SSC5D: variants seen among roughly 807,000 people sequenced by gnomAD.
SSC5D encodes soluble scavenger receptor cysteine-rich domain-containing protein SSC5D.
In SSC5D, 106 loss-of-function variants were observed where a neutral mutation model predicts 104.6. That is an observed-to-expected ratio of 1.01 (90% CI 0.87 to 1.19). SSC5D has a LOEUF of 1.19. SSC5D is among the 50% of genes most tolerant of loss of function. The pLI is 0.00. For missense variants in SSC5D, 1,993 were observed against 2,153.8 expected, an observed-to-expected ratio of 0.93 and a Z score of 1.48; for synonymous variants, 860 against 883.5, an observed-to-expected ratio of 0.97 and a Z score of 0.47.
chr19:55,500,648 C>T lies in SSC5D; in HGVS notation c.2461C>T (p.Arg821Ter), dbSNP rs1428127033. The T allele has an allele frequency of 6.4e-6, 10 of 1,551,608 alleles. No homozygotes were observed. Among genetic ancestry groups the T allele is most frequent in the African/African-American group, 4.1e-5 (3 of 73,026 alleles). Residue 821 changes from arginine to a stop codon, truncating the protein, a stop_gained, in exon 11 of 14, where the codon CGA becomes TGA. Transcript: ENST00000389623. LOFTEE classifies it high-confidence loss of function. This position sits in a 1 kb window ranked among gnomAD's most constrained non-coding sequence, Gnocchi z 4.6. The part of the protein sequence containing the change: ...WELGCGKVRP[R>*]VGKTHYGPGT... ...ACTGGGCTGTGGAAAGGTCCGGCCT[C>T]GAGTAGGCAAAACCCATTACGGCCC... is the stretch of plus-strand genomic sequence containing the variant.
At position 55,488,658 on chromosome 19, in the gene SSC5D, C is replaced by T. The variant is rs115930876; in HGVS notation, c.25+44C>T. ...TTGGGGACTCGGGGGGCCTAGGCCC[C>T]CACCTCTGACCCCTTAGCTTGTCCA... On this transcript the variant is annotated intron_variant, in intron 1 of 13. Transcript: ENST00000389623. The T allele has an allele frequency of 4.8e-4, 733 of 1,516,506 alleles. 4 individuals are homozygous for T. In the African/African-American group the frequency reaches 9.2e-3, roughly 19 times the overall value. 93.9% of individuals were successfully genotyped at this position (1,516,506 alleles called of 1,614,324 possible). A position where few individuals can be genotyped will look rare whatever the true frequency, so the allele number is the denominator to read the frequency against.
At position 55,500,294 on chromosome 19, in the gene SSC5D, C is replaced by T. The variant is rs1330544511; in HGVS notation, c.2184C>T (p.Ser728=). 1.3e-6 allele frequency: 2 copies of T among 1,551,476 alleles called. No individual in the cohort carries two copies. The highest frequency in any genetic ancestry group is 3.9e-5 in the Admixed American group (2 of 50,980). The part of the protein sequence containing the change: ...TQGPQEMTSE[S]TIKSIPQASL... Reference sequence around the variant, plus strand: ...GCCCCCAAGAAATGACCTCTGAGTCCACTATCAAGAGTATCCCTCAGGCCT... The same window carrying T: ...GCCCCCAAGAAATGACCTCTGAGTCTACTATCAAGAGTATCCCTCAGGCCT... Residue 728 remains serine, a synonymous_variant, in exon 10 of 14, where the codon TCC becomes TCT. Coordinates refer to ENST00000389623, the MANE Select transcript of SSC5D (RefSeq NM_001144950.2). The surrounding 1 kb of genome is among the most constrained non-coding windows in gnomAD (Gnocchi z 4.6).
At position 55,500,555 on chromosome 19, in the gene SSC5D, G is replaced by A. The variant is rs1381765809; in HGVS notation, c.2368G>A (p.Ala790Thr). Residue 790 changes from alanine to threonine, a missense_variant, in exon 11 of 14, where the codon GCC becomes ACC. This residue lies in a region of SSC5D where 70 missense variants were observed against 107.1 expected (regional missense o/e 0.65). Coordinates refer to ENST00000389623, the MANE Select transcript of SSC5D (RefSeq NM_001144950.2). The surrounding 1 kb of genome is among the most constrained non-coding windows in gnomAD (Gnocchi z 4.6). The stretch of plus-strand genomic sequence containing the variant: ...TGCTGGCCGGCTGGAAGTGTGGCAT[G>A]CCGGACGCTGGGGAACAGTGTGTGA... Reference protein sequence around the residue: ...RCAGRLEVWHAGRWGTVCDDN... With the variant: ...RCAGRLEVWHTGRWGTVCDDN... The A allele has an allele frequency of 1.3e-6, 2 of 1,551,614 alleles. No individual in the cohort carries two copies. Among genetic ancestry groups the A allele is most frequent in the African/African-American group, 2.7e-5 (2 of 73,060 alleles).
In SSC5D at chr19:55,500,758, G is replaced by A. The variant is rs760472919; in HGVS notation, c.2571G>A (p.Gly857=). The part of the protein sequence containing the change: ...SLSDCPSGAW[G]KHNCDHEEDV... ...GCGACTGCCCCTCGGGGGCTTGGGG[G>A]AAGCACAACTGTGACCACGAGGAAG... Residue 857 remains glycine, a synonymous_variant, in exon 11 of 14, where the codon GGG becomes GGA. Coordinates refer to ENST00000389623, the MANE Select transcript of SSC5D (RefSeq NM_001144950.2). This position sits in a 1 kb window ranked among gnomAD's most constrained non-coding sequence, Gnocchi z 4.6. 9.0e-6 allele frequency: 14 copies of A among 1,551,572 alleles called. No individual in the cohort carries two copies. The South Asian group carries it at 1.7e-4, about 18-fold the overall frequency.
chr19:55,490,331 C>T lies in SSC5D; in HGVS notation c.509C>T (p.Ser170Phe). The change falls in exon 5 of 14, where the codon TCC becomes TTC. Residue 170 changes from serine to phenylalanine, a missense_variant. Physicochemically the swap from Ser to Phe is radical, Grantham distance 155. Transcript: ENST00000389623. ...PRPAGNPQNA[S>F]RKKSPRPKQA... ...CCAGCTGGGAACCCCCAGAACGCCT[C>T]CCGGAAGAAGAGCCCCCGGCCCAAG... 1.3e-6 allele frequency: 2 copies of T among 1,492,770 alleles called. No individual in the cohort carries two copies. The highest frequency in any genetic ancestry group is 1.8e-6 in the Non-Finnish European group (2 of 1,097,952). The allele number at this position is 1,492,770 out of a possible 1,614,324, so 92.5% of individuals were successfully genotyped here. A position where few individuals can be genotyped will look rare whatever the true frequency, so the allele number is the denominator to read the frequency against.
rs1987573702 is a variant in SSC5D at position 55,503,827 on chromosome 19, T to TTC, written c.2785+2628_2785+2629dup. ...AAGCGTCCTTTCCCGCCTTTTTTTT[T>TTC]TCTGGCGCTCAGCACGCATGCGCAG... is the stretch of plus-strand genomic sequence containing the variant. On this transcript the variant is annotated intron_variant, in intron 12 of 13. Coordinates refer to ENST00000389623, the MANE Select transcript of SSC5D (RefSeq NM_001144950.2). The surrounding 1 kb of genome is among the most constrained non-coding windows in gnomAD (Gnocchi z 4.0). Among the ~76,000 whole-genome samples, 4 of 152,238 alleles carry TTC rather than the reference T, an allele frequency of 2.6e-5. No homozygotes were observed. The highest frequency in any genetic ancestry group is 9.6e-5 in the African/African-American group (4 of 41,550).
chr19:55,490,442 C>A, intron 5 of SSC5D, 34 bp downstream of exon 5: 1 of 660,080 alleles, frequency 1.5e-6, no homozygotes, highest in Non-Finnish European at 2.5e-6. Context: ...GACCCCAAGG[C>A]TGGTTGCTGT....
chr19:55,512,997 C>T lies in SSC5D; in HGVS notation c.2786-14C>T. On this transcript the variant is annotated splice_polypyrimidine_tract_variant and intron_variant, in intron 12 of 13. Coordinates refer to ENST00000389623, the MANE Select transcript of SSC5D (RefSeq NM_001144950.2). ...AAGTTGGAAGACTCAATCCTCTTCC[C>T]CATATCTCTCTAGGCAGCAAAGATG... The T allele has an allele frequency of 1.3e-6, 2 of 1,551,836 alleles. No individual in the cohort carries two copies. Among genetic ancestry groups the T allele is most frequent in the African/African-American group, 1.4e-5 (1 of 73,120 alleles).
rs1987959554 is a variant in SSC5D at position 55,518,882 on chromosome 19, G to A, written c.4606G>A (p.Gly1536Arg). 1 of 1,550,268 alleles carries A rather than the reference G, an allele frequency of 6.5e-7. No homozygotes were observed. The highest frequency in any genetic ancestry group is 2.0e-5 in the Admixed American group (1 of 50,998). ...GCTGGTAGAAGCTGCCCGGGGTCTG[G>A]GGCAGCTGGGTGAGGCTGTGAAGAG... ...TQLVEAARGL[G>R]QLGEAVKRLA... Residue 1536 changes from glycine (G) to arginine (R), a missense_variant, in exon 14 of 14, where the codon GGG becomes AGG. Transcript: ENST00000389623.
At position 55,498,049 on chromosome 19, in the gene SSC5D, T is replaced by C. The variant is rs753578152; in HGVS notation, c.1557T>C (p.Ala519=). 1.3e-4 allele frequency: 199 copies of C among 1,551,650 alleles called. No homozygotes were observed. The highest frequency in any genetic ancestry group is 1.6e-4 in the Non-Finnish European group (187 of 1,147,010). The part of the protein sequence containing the change: ...GCGGPQQPDP[A]AGRFGWGAGP... ...GTGGACCTCAGCAGCCAGACCCTGC[T>C]GCTGGCCGCTTTGGCTGGGGTGCGG... The change falls in exon 9 of 14, where the codon GCT becomes GCC. Residue 519 remains alanine (A), a synonymous_variant. Coordinates refer to ENST00000389623, the MANE Select transcript of SSC5D (RefSeq NM_001144950.2).
At chr19:55,494,210 C>G (rs1285065889) in intron 7 of SSC5D, among the ~76,000 whole-genome samples, 2 of 152,044 alleles carry the variant, frequency 1.3e-5, no homozygotes, top group East Asian at 3.9e-4. Flanking sequence ...TGCTTAGGAT[C>G]CTGCAGTGCA....
Position 55,490,338 on chromosome 19 carries a change from G to T in SSC5D, c.516G>T (p.Lys172Asn), listed in dbSNP as rs1261535420. 2.7e-6 allele frequency: 4 copies of T among 1,506,398 alleles called. No individual in the cohort carries two copies. The Admixed American group carries it at 8.1e-5, about 30-fold the overall frequency. The allele number at this position is 1,506,398 out of a possible 1,614,324, so 93.3% of individuals were successfully genotyped here. The change falls in exon 5 of 14, where the codon AAG becomes AAT. Residue 172 changes from lysine to asparagine, a missense_variant. Transcript: ENST00000389623. ...GGAACCCCCAGAACGCCTCCCGGAA[G>T]AAGAGCCCCCGGCCCAAGCAGGCCA... ...PAGNPQNASR[K>N]KSPRPKQAKS...
At chr19:55,501,273 G>T in intron 12 of SSC5D, 72 bp downstream of exon 12, 2 of 1,448,098 alleles carry the variant, frequency 1.4e-6, no homozygotes, top group Non-Finnish European at 1.8e-6. Context: ...AGGGTTTCCA[G>T]AAAGACCCTT....
rs1169287117 is a variant in SSC5D at position 55,493,631 on chromosome 19, AC to A, written c.933del (p.His311GlnfsTer125). ...CGGCTGCGCCTGGCCGATGGCCCCC[AC>A]GGGTGCGCCGGCCGCCTGGAGGTCT... Reference protein sequence around the residue: ...APRLRLADGPHGCAGRLEVWH... With the variant: ...APRLRLADGPXGCAGRLEVWH... On this transcript the variant is annotated frameshift_variant, in exon 7 of 14. Transcript: ENST00000389623. LOFTEE classifies it high-confidence loss of function. 3.4e-6 allele frequency: 5 copies of A among 1,488,986 alleles called. No homozygotes were observed. Among genetic ancestry groups the A allele is most frequent in the South Asian group, 1.3e-5 (1 of 77,676 alleles). 92.2% of individuals were successfully genotyped at this position (1,488,986 alleles called of 1,614,324 possible). A position where few individuals can be genotyped will look rare whatever the true frequency, so the allele number is the denominator to read the frequency against.
Position 55,489,519 on chromosome 19 carries a change from C to T in SSC5D, c.218C>T (p.Ala73Val). Reference sequence around the variant, plus strand: ...GGGGCACTGGCCGCCCCGGGAGGCGCCTTCTTCGGGGAGGGGGCAGGGCCT... The same window carrying T: ...GGGGCACTGGCCGCCCCGGGAGGCGTCTTCTTCGGGGAGGGGGCAGGGCCT... ...CGGALAAPGG[A>V]FFGEGAGPVW... Residue 73 changes from alanine to valine, a missense_variant, in exon 3 of 14, where the codon GCC becomes GTC. Ala to Val is a moderately conservative substitution (Grantham distance 64, BLOSUM62 0). This residue lies in a region of SSC5D where 1,101 missense variants were observed against 1,085.0 expected (regional missense o/e 1.01). Coordinates refer to ENST00000389623, the MANE Select transcript of SSC5D (RefSeq NM_001144950.2). 5.5e-6 allele frequency: 8 copies of T among 1,467,052 alleles called. No homozygotes were observed. Among genetic ancestry groups the T allele is most frequent in the Non-Finnish European group, 7.2e-6 (8 of 1,115,934 alleles). 90.9% of individuals were successfully genotyped at this position (1,467,052 alleles called of 1,614,324 possible). A position where few individuals can be genotyped will look rare whatever the true frequency, so the allele number is the denominator to read the frequency against.
chr19:55,488,801 C>T (rs1313806826), intron 1 of SSC5D, among the ~76,000 whole-genome samples, 187 bp downstream of exon 1: 1 of 50,778 alleles, frequency 2.0e-5, no homozygotes, highest in Non-Finnish European at 4.1e-5. Flanking sequence ...CCCAAGGGAC[C>T]TGCCCCCTGC....
At chr19:55,509,835 A>G (rs1599927242) in intron 12 of SSC5D, among the ~76,000 whole-genome samples, 1 of 139,798 alleles carries the variant, frequency 7.2e-6, no homozygotes, top group South Asian at 2.4e-4. Context: ...CTGCAACAAG[A>G]GCGAAACTCT....
rs4801713 is a variant in SSC5D at position 55,500,093 on chromosome 19, C to T, written c.1983C>T (p.Thr661=). The stretch of plus-strand genomic sequence containing the variant: ...GGGCCCAAAGCCCCCCAGACCTAAC[C>T]TCACAGACCACTGCAGCACTGACCA... ...HSRAQSPPDL[T]SQTTAALTTE... is the part of the protein sequence containing the mutation. Residue 661 remains threonine (T), a synonymous_variant, in exon 10 of 14, where the codon ACC becomes ACT. Transcript: ENST00000389623. The surrounding 1 kb of genome is among the most constrained non-coding windows in gnomAD (Gnocchi z 4.6). The T allele has an allele frequency of 0.55, 847,388 of 1,551,392 alleles. 240,128 individuals are homozygous for T. Among genetic ancestry groups the T allele is most frequent in the South Asian group, 0.62 (52,118 of 84,020 alleles).
intron 12 of SSC5D, 100 bp downstream of exon 12, chr19:55,501,301 G>A (rs1010675856): frequency 3.7e-6 from 5 of 1,360,036 alleles, no homozygotes; most frequent in South Asian, 1.5e-5. Flanking sequence ...AGCTGGCTGA[G>A]GCCTCGGGGC....
Sources: gnomAD v4.1 joint callset for allele counts (sites outside exome capture counted in the v4.1 genomes callset) on GRCh38, gnomAD v4.1.1 for gene constraint, gnomAD v4.1.1 regional missense constraint, Gnocchi (gnomAD v3.1) non-coding constraint, MANE v1.5 for transcripts, NCBI Gene and HGNC (gene_info 2026-07-23, HGNC 2026-07-21) for gene names.